The following STT3B variants were observed in gnomAD, a reference collection of about 807,000 sequenced individuals.
The protein encoded by STT3B is dolichyl-diphosphooligosaccharide--protein glycosyltransferase subunit STT3B.
STT3B carries 29 observed loss-of-function variants against 96.8 expected under a neutral mutation model. That is an observed-to-expected ratio of 0.30 (90% CI 0.22 to 0.41). The LOEUF (loss-of-function observed/expected upper bound fraction) is 0.41, where lower values mean the gene tolerates loss of function less well. Ranked by LOEUF, STT3B falls within the 10% of genes least tolerant of loss-of-function variation. The pLI, the probability that STT3B is intolerant of heterozygous loss-of-function variation, is 1.00. For missense variants in STT3B, 640 were observed against 1,022.3 expected, an observed-to-expected ratio of 0.63 and a Z score of 5.10; for synonymous variants, 367 against 360.0, an observed-to-expected ratio of 1.02 and a Z score of -0.22.
At chr3:31,569,444 AAAGTTCATTAGCTCTAAAAATCAGGTT>A (rs1698085216) in intron 1 of STT3B, among the ~76,000 whole-genome samples, 2 of 152,208 alleles carry the variant, frequency 1.3e-5, no homozygotes, top group African/African-American at 4.8e-5. Flanking sequence ...CCTTGCAGAA[AAAGTTCATTAGCTCTAAAAATCAGGTT>A]AAGAGAAGTT....
intron 8 of STT3B, 101 bp downstream of exon 8, chr3:31,618,089 CT>C: frequency 2.5e-6 from 2 of 795,176 alleles, no homozygotes; most frequent in Non-Finnish European, 4.4e-6. Context: ...TTGGGCAACA[CT>C]TCTAAGTACC....
intron 1 of STT3B, among the ~76,000 whole-genome samples, chr3:31,572,450 G>C (rs1018059866): frequency 1.3e-5 from 2 of 151,850 alleles, no homozygotes; most frequent in African/African-American, 4.8e-5. Flanking sequence ...GACATGGTTG[G>C]CATCATTGCA....
intron 1 of STT3B, among the ~76,000 whole-genome samples, chr3:31,553,606 G>T (rs1288770143): frequency 6.6e-6 from 1 of 152,142 alleles, no homozygotes; most frequent in Non-Finnish European, 1.5e-5. Flanking sequence ...GGAAAGAAGT[G>T]CCTAAAGGTG....
intron 4 of STT3B, among the ~76,000 whole-genome samples, chr3:31,597,866 G>A (rs1698828353): frequency 7.1e-6 from 1 of 141,200 alleles, no homozygotes; most frequent in African/African-American, 2.6e-5. Flanking sequence ...GACAGAGTCT[G>A]GCTCTGTTGC....
chr3:31,591,035 G>C (rs767338574), intron 3 of STT3B, among the ~76,000 whole-genome samples: 1 of 151,990 alleles, frequency 6.6e-6, no homozygotes, highest in African/African-American at 2.4e-5. Flanking sequence ...TATGCTCATC[G>C]TTTTTCTTTT....
intron 5 of STT3B, among the ~76,000 whole-genome samples, chr3:31,603,409 C>T (rs1057512362): frequency 5.9e-5 from 9 of 151,576 alleles, no homozygotes; most frequent in African/African-American, 1.7e-4. Flanking sequence ...AGATGGGAGG[C>T]CGTCTCTACT....
In STT3B at chr3:31,590,417, CTATT is replaced by C. The variant is rs527898603; in HGVS notation, c.712-6377_712-6374del. ...CTCCATTTCTACTTTTCTAGTATAA[CTATT>C]TATACTAGAATATACTGTATTTACT... On this transcript the variant is annotated intron_variant, in intron 3 of 15. Coordinates refer to ENST00000295770, the MANE Select transcript of STT3B (RefSeq NM_178862.3). 1.2e-3 allele frequency among the ~76,000 whole-genome samples: 186 copies of C among 151,984 alleles called. 2 individuals carry two copies. The highest frequency in any genetic ancestry group is 6.8e-3 in the Middle Eastern group (2 of 294).
At chr3:31,631,555 A>G (rs1228986318) in intron 14 of STT3B, among the ~76,000 whole-genome samples, 3 of 152,208 alleles carry the variant, frequency 2.0e-5, no homozygotes, top group African/African-American at 7.2e-5. Flanking sequence ...CAAGAATAAT[A>G]TATGGTTAAA....
chr3:31,623,393 A>T (rs1225863387), intron 10 of STT3B, among the ~76,000 whole-genome samples: 1 of 152,188 alleles, frequency 6.6e-6, no homozygotes, highest in Non-Finnish European at 1.5e-5. Context: ...TTTGTATTTA[A>T]TTAAAGTATA....
chr3:31,588,467 A>ATGTC (rs1395351155), intron 3 of STT3B, among the ~76,000 whole-genome samples: 1 of 151,856 alleles, frequency 6.6e-6, no homozygotes, highest in Non-Finnish European at 1.5e-5. Context: ...TTTTACAAAA[A>ATGTC]TGTCTCTTTA....
At chr3:31,567,423 G>A (rs946581633) in intron 1 of STT3B, among the ~76,000 whole-genome samples, 3 of 152,066 alleles carry the variant, frequency 2.0e-5, no homozygotes, top group African/African-American at 7.2e-5. Flanking sequence ...AACCAGATTT[G>A]TGTTGTCTTG....
chr3:31,561,371 A>G (rs558612488), intron 1 of STT3B, among the ~76,000 whole-genome samples: 201 of 152,268 alleles, frequency 1.3e-3, no homozygotes, highest in Non-Finnish European at 2.5e-3. Context: ...AAATAAGCAC[A>G]TCATGGAGAA....
At chr3:31,629,452 A>T (rs1316108852) in intron 14 of STT3B, 41 bp downstream of exon 14, 1 of 1,162,856 alleles carries the variant, frequency 8.6e-7, no homozygotes, top group Admixed American at 2.0e-5. Context: ...ATTCAAAATA[A>T]TGTTTAAAAC....
intron 1 of STT3B, among the ~76,000 whole-genome samples, chr3:31,551,106 C>T (rs1037135282): frequency 6.6e-5 from 10 of 152,144 alleles, no homozygotes; most frequent in Admixed American, 5.2e-4. Context: ...GGTGTTCTAA[C>T]ACTTTGTCTT....
At chr3:31,582,119 T>C (rs1698418991) in intron 3 of STT3B, among the ~76,000 whole-genome samples, 1 of 152,112 alleles carries the variant, frequency 6.6e-6, no homozygotes, top group Non-Finnish European at 1.5e-5. Flanking sequence ...ATCGTGTTGC[T>C]CTTTTTAAAG....
At chr3:31,588,939 A>AG (rs1209287960) in intron 3 of STT3B, among the ~76,000 whole-genome samples, 2 of 151,978 alleles carry the variant, frequency 1.3e-5, no homozygotes, top group African/African-American at 4.8e-5. Flanking sequence ...GTCTTGTTTC[A>AG]ATATCATGTT....
intron 1 of STT3B, among the ~76,000 whole-genome samples, chr3:31,559,311 TA>T (rs1209799549): frequency 1.3e-5 from 2 of 149,300 alleles, no homozygotes; most frequent in African/African-American, 2.5e-5. Context: ...GGAGTCTTTG[TA>T]TTTTTTTTTT....
intron 11 of STT3B, 82 bp from the exon 12 acceptor site, chr3:31,624,832 G>T: frequency 9.5e-7 from 1 of 1,052,548 alleles, no homozygotes; most frequent in South Asian, 1.7e-5. Context: ...AAAGTATTCA[G>T]TGGTTTAATA....
At chr3:31,542,946 A>T (rs6763173) in intron 1 of STT3B, among the ~76,000 whole-genome samples, 86,785 of 151,480 alleles carry the variant, frequency 0.57, 27,747 homozygotes, top group Non-Finnish European at 0.72. Flanking sequence ...GGCACCTGTA[A>T]TCCCAGCTGC....
Sources: gnomAD v4.1 joint callset for allele counts (sites outside exome capture counted in the v4.1 genomes callset) on GRCh38, gnomAD v4.1.1 for gene constraint, MANE v1.5 for transcripts, NCBI Gene and HGNC (gene_info 2026-07-23, HGNC 2026-07-21) for gene names.